The following PRUNE2 variants were observed in gnomAD, a reference collection of about 807,000 sequenced individuals.
PRUNE2 encodes protein prune homolog 2.
Under a neutral mutation model 252.0 loss-of-function variants are expected in PRUNE2, and 164 were observed. That is an observed-to-expected ratio of 0.65 (90% CI 0.57 to 0.74). The LOEUF (loss-of-function observed/expected upper bound fraction) is 0.74. Among genes scored for constraint, PRUNE2 ranks in the 30% least tolerant of loss-of-function variants. The pLI is 0.00. For synonymous variants in PRUNE2, 1,292 were observed against 1,350.2 expected (o/e 0.96, Z 0.94); for missense variants, 3,495 against 3,711.0 (o/e 0.94, Z 1.51).
intron 12 of PRUNE2, among the ~76,000 whole-genome samples, chr9:76,640,863 T>G (rs1842293593): frequency 6.6e-6 from 1 of 152,188 alleles, no homozygotes; most frequent in Non-Finnish European, 1.5e-5. Flanking sequence ...CAAGAAAGCA[T>G]CCTTTCAAAA....
intron 16 of PRUNE2, among the ~76,000 whole-genome samples, chr9:76,624,728 A>G (rs1468550431): frequency 1.3e-5 from 2 of 152,238 alleles, no homozygotes; most frequent in African/African-American, 4.8e-5. Flanking sequence ...TAAGTTGCAA[A>G]GGGATCAGAA....
chr9:76,698,412 A>G (rs745651493), intron 9 of PRUNE2, among the ~76,000 whole-genome samples: 18 of 152,208 alleles, frequency 1.2e-4, no homozygotes, highest in Non-Finnish European at 1.0e-4. Context: ...ATCAAATATA[A>G]TTACAAAAAT....
intron 1 of PRUNE2, among the ~76,000 whole-genome samples, chr9:76,872,600 A>AAAACACAC (rs2061272939): frequency 1.4e-5 from 2 of 139,262 alleles, no homozygotes; most frequent in South Asian, 4.9e-4. Flanking sequence ...GATTATGGAA[A>AAAACACAC]ACACACACAC....
intron 9 of PRUNE2, among the ~76,000 whole-genome samples, chr9:76,668,555 A>G (rs2040658636): frequency 1.3e-5 from 2 of 152,058 alleles, no homozygotes; most frequent in Admixed American, 1.3e-4. Flanking sequence ...CTGATCTGTG[A>G]AAAGGGCCTG....
chr9:76,662,030 C>T (rs959730613), intron 9 of PRUNE2, among the ~76,000 whole-genome samples: 1 of 152,162 alleles, frequency 6.6e-6, no homozygotes. Flanking sequence ...GACTAAAAAA[C>T]ACACGTGTAA....
intron 9 of PRUNE2, among the ~76,000 whole-genome samples, chr9:76,666,524 C>CCTCT (rs2040210430): frequency 6.6e-6 from 1 of 152,008 alleles, no homozygotes; most frequent in Non-Finnish European, 1.5e-5. Flanking sequence ...CGTAAGCTGT[C>CCTCT]CTCTCTCTCT....
intron 10 of PRUNE2, among the ~76,000 whole-genome samples, chr9:76,655,220 A>G (rs1188792335): frequency 6.6e-6 from 1 of 152,242 alleles, no homozygotes; most frequent in Non-Finnish European, 1.5e-5. Flanking sequence ...AATGCAGCCC[A>G]CACTAGCGAG....
intron 18 of PRUNE2, among the ~76,000 whole-genome samples, chr9:76,615,717 TAGC>T (rs1222692919): frequency 6.6e-6 from 1 of 151,732 alleles, no homozygotes. Context: ...CTGTTATTAT[TAGC>T]AGCAATAGTA....
intron 3 of PRUNE2, 68 bp from the exon 4 acceptor site, chr9:76,846,746 A>G: frequency 7.2e-7 from 1 of 1,387,328 alleles, no homozygotes. Flanking sequence ...TGGAATGTTT[A>G]AATCTCTGCT....
chr9:76,898,845 A>T (rs1218441058), intron 1 of PRUNE2, among the ~76,000 whole-genome samples: 3 of 152,212 alleles, frequency 2.0e-5, no homozygotes, highest in African/African-American at 7.2e-5. Flanking sequence ...CTGGCATTAC[A>T]GGCTAAAACA....
At chr9:76,678,664 CTAA>C (rs2043059753) in intron 9 of PRUNE2, among the ~76,000 whole-genome samples, 7 of 152,020 alleles carry the variant, frequency 4.6e-5, no homozygotes, top group Non-Finnish European at 4.4e-5. Context: ...CTCGCCTCTA[CTAA>C]AAATACAAAA....
At chr9:76,807,318 C>T (rs1325870265) in intron 6 of PRUNE2, among the ~76,000 whole-genome samples, 2 of 152,080 alleles carry the variant, frequency 1.3e-5, no homozygotes, top group African/African-American at 4.8e-5. Flanking sequence ...AGTGATCCTT[C>T]CACCTCGGAC....
intron 9 of PRUNE2, among the ~76,000 whole-genome samples, chr9:76,700,422 T>C (rs975758705): frequency 2.0e-5 from 3 of 152,152 alleles, no homozygotes; most frequent in Non-Finnish European, 4.4e-5. Context: ...ACCACAGCTA[T>C]CTCATTGTTT....
At chr9:76,650,283 T>A (rs936651189) in intron 11 of PRUNE2, among the ~76,000 whole-genome samples, 22 of 150,066 alleles carry the variant, frequency 1.5e-4, no homozygotes, top group Non-Finnish European at 3.1e-4. Flanking sequence ...AGTACAAATA[T>A]ATAATATATA....
intron 9 of PRUNE2, among the ~76,000 whole-genome samples, chr9:76,688,368 G>T (rs117390810): frequency 6.6e-6 from 1 of 152,132 alleles, no homozygotes; most frequent in Non-Finnish European, 1.5e-5. Flanking sequence ...TGCCCAAGTC[G>T]GCTCTGTCTT....
At chr9:76,872,105 G>A (rs565081790) in intron 1 of PRUNE2, among the ~76,000 whole-genome samples, 1 of 151,976 alleles carries the variant, frequency 6.6e-6, no homozygotes, top group South Asian at 2.1e-4. Flanking sequence ...TTGGCACCTG[G>A]AAGGGTAGGC....
At chr9:76,739,355 A>T (rs1049730826) in intron 6 of PRUNE2, 16 of 152,140 alleles carry the variant, frequency 1.1e-4, no homozygotes, top group African/African-American at 3.9e-4. Context: ...CTCGGTTTAG[A>T]GCCATGCCTA....
At chr9:76,726,939 A>T (rs1220238829) in intron 6 of PRUNE2, among the ~76,000 whole-genome samples, 2 of 152,254 alleles carry the variant, frequency 1.3e-5, no homozygotes, top group African/African-American at 2.4e-5. Context: ...AATTGTCATT[A>T]TTTTATACAA....
intron 9 of PRUNE2, among the ~76,000 whole-genome samples, chr9:76,668,374 A>G (rs2040612319): frequency 1.3e-5 from 2 of 152,194 alleles, no homozygotes; most frequent in Admixed American, 1.3e-4. Flanking sequence ...CCTTCCCTAC[A>G]TCATGCTATC....
Sources: gnomAD v4.1 joint callset for allele counts (sites outside exome capture counted in the v4.1 genomes callset) on GRCh38, gnomAD v4.1.1 for gene constraint, MANE v1.5 for transcripts, NCBI Gene and HGNC (gene_info 2026-07-23, HGNC 2026-07-21) for gene names.